SCLT1: variants seen among roughly 807,000 people sequenced by gnomAD.
SCLT1 encodes sodium channel and clathrin linker 1.
A neutral mutation model predicts 112.8 loss-of-function variants in SCLT1; 78 were observed. The ratio of observed to expected loss-of-function variants is 0.69; its 90% CI spans 0.58 to 0.83. SCLT1 has a LOEUF of 0.83. Among genes scored for constraint, SCLT1 ranks in the 40% least tolerant of loss-of-function variants. The pLI is 0.00. For synonymous variants in SCLT1, 257 were observed against 254.7 expected (o/e 1.01, Z -0.09); for missense variants, 747 against 770.4 (o/e 0.97, Z 0.36).
chr4:128,965,870 C>T (rs913880559), intron 10 of SCLT1, among the ~76,000 whole-genome samples: 8 of 140,534 alleles, frequency 5.7e-5, no homozygotes, highest in Admixed American at 7.7e-5. Context: ...CTCACCCTGT[C>T]GTCCAGGCTG....
chr4:129,015,593 A>G (rs1560967646), intron 5 of SCLT1, among the ~76,000 whole-genome samples: 2 of 152,132 alleles, frequency 1.3e-5, no homozygotes, highest in South Asian at 2.1e-4. Context: ...TCCACTACAT[A>G]TGCTCCTGCA....
intron 17 of SCLT1, among the ~76,000 whole-genome samples, chr4:128,942,378 T>C (rs1737771555): frequency 6.6e-6 from 1 of 152,124 alleles, no homozygotes; most frequent in African/African-American, 2.4e-5. Context: ...TGCCACTTTT[T>C]ACAAAAGTCT....
In SCLT1 at chr4:129,007,533, T is replaced by G. The variant is rs528531940; in HGVS notation, c.291-3657A>C. On this transcript the variant is annotated intron_variant, in intron 5 of 20. Coordinates refer to ENST00000281142, the MANE Select transcript of SCLT1 (RefSeq NM_144643.4). ...ATCTGTTTCACATTAAATTCTACTATGTCTGATATTACCAGCATGTTTTCA... is the reference window on the plus strand; with the variant it reads ...ATCTGTTTCACATTAAATTCTACTAGGTCTGATATTACCAGCATGTTTTCA... Among the ~76,000 whole-genome samples, 116 of 152,318 alleles carry G rather than the reference T, an allele frequency of 7.6e-4. 2 individuals are homozygous for G. The highest frequency in any genetic ancestry group is 2.7e-3 in the African/African-American group (112 of 41,586).
intron 18 of SCLT1, among the ~76,000 whole-genome samples, chr4:128,914,326 T>A (rs1014552767): frequency 1.3e-5 from 2 of 151,550 alleles, no homozygotes; most frequent in African/African-American, 4.9e-5. Flanking sequence ...AGATAGCCAC[T>A]ACACTCCAGC....
At chr4:128,930,733 T>G (rs1482636942) in intron 18 of SCLT1, among the ~76,000 whole-genome samples, 1 of 152,066 alleles carries the variant, frequency 6.6e-6, no homozygotes, top group African/African-American at 2.4e-5. Context: ...ATTTGGAAAA[T>G]GTAATATAAA....
At chr4:129,048,767 TCAAA>T (rs1193277722) in intron 2 of SCLT1, among the ~76,000 whole-genome samples, 24 of 152,020 alleles carry the variant, frequency 1.6e-4, no homozygotes, top group Non-Finnish European at 3.1e-4. Context: ...TACAATGAAC[TCAAA>T]CAAATTTACA....
chr4:128,946,151 A>T lies in SCLT1; in HGVS notation c.1295T>A (p.Ile432Asn). 1 of 1,600,046 alleles carries T rather than the reference A, an allele frequency of 6.2e-7. No individual in the cohort carries two copies. Among genetic ancestry groups the T allele is most frequent in the East Asian group, 2.2e-5 (1 of 44,702 alleles). ...KKAVEEELEK[I>N]YREGRGNESD... ...CTCATTTCCTCTGCCTTCACGGTAA[A>T]TCTGCAGAAAAGGCTTATTAGGTAT... Residue 432 changes from isoleucine to asparagine, a missense_variant and splice_region_variant, in exon 16 of 21, where the codon ATT (isoleucine) becomes AAT (asparagine). Coordinates refer to ENST00000281142, the MANE Select transcript of SCLT1 (RefSeq NM_144643.4).
chr4:128,920,386 G>A (rs1205680523), intron 18 of SCLT1, among the ~76,000 whole-genome samples: 1 of 152,178 alleles, frequency 6.6e-6, no homozygotes, highest in Non-Finnish European at 1.5e-5. Flanking sequence ...TGGCCTCCCA[G>A]GTTCAAATGA....
intron 5 of SCLT1, among the ~76,000 whole-genome samples, chr4:129,029,173 C>T (rs1746447091): frequency 1.3e-5 from 2 of 152,166 alleles, no homozygotes; most frequent in Admixed American, 6.5e-5. Flanking sequence ...CATTCCATTA[C>T]TGGGTACATA....
chr4:128,894,257 A>G (rs569285807), intron 18 of SCLT1, among the ~76,000 whole-genome samples: 10 of 151,970 alleles, frequency 6.6e-5, no homozygotes, highest in Admixed American at 1.3e-4. Flanking sequence ...TCAGTTGTAC[A>G]GTCAAGGTTA....
At chr4:128,893,596 G>A (rs1350458006) in intron 18 of SCLT1, among the ~76,000 whole-genome samples, 1 of 152,088 alleles carries the variant, frequency 6.6e-6, no homozygotes, top group Admixed American at 6.6e-5. Flanking sequence ...AGGCTGGAGT[G>A]CAGTGGTGCC....
chr4:128,995,807 C>T (rs1035812830), intron 8 of SCLT1, among the ~76,000 whole-genome samples: 3 of 152,072 alleles, frequency 2.0e-5, no homozygotes, highest in African/African-American at 7.2e-5. Context: ...TGCTATTTCT[C>T]TGGGCTGCCC....
intron 13 of SCLT1, among the ~76,000 whole-genome samples, chr4:128,954,380 G>A (rs1739045461): frequency 1.3e-5 from 2 of 149,326 alleles, no homozygotes; most frequent in Non-Finnish European, 3.0e-5. Flanking sequence ...GTGCAGGGTC[G>A]TGATCTCAGC....
chr4:128,977,604 C>T (rs992277402), intron 9 of SCLT1, among the ~76,000 whole-genome samples: 5 of 151,920 alleles, frequency 3.3e-5, no homozygotes, highest in African/African-American at 9.7e-5. Context: ...ATCTGAGCTA[C>T]GACCTAAAGG....
chr4:128,921,303 T>C (rs1474795479), intron 18 of SCLT1, among the ~76,000 whole-genome samples: 4 of 152,074 alleles, frequency 2.6e-5, no homozygotes, highest in Non-Finnish European at 4.4e-5. Flanking sequence ...CCAAAAAAAC[T>C]ATTTAAAAAT....
chr4:128,914,520 G>C (rs1735334235), intron 18 of SCLT1, among the ~76,000 whole-genome samples: 1 of 152,188 alleles, frequency 6.6e-6, no homozygotes, highest in African/African-American at 2.4e-5. Flanking sequence ...AAAAGCTGTT[G>C]CAGCAGTCCA....
At chr4:128,898,436 C>T (rs1284619833) in intron 18 of SCLT1, among the ~76,000 whole-genome samples, 6 of 151,968 alleles carry the variant, frequency 3.9e-5, no homozygotes, top group Non-Finnish European at 7.4e-5. Context: ...GGGTACATAA[C>T]AAAATGAAGG....
chr4:128,884,988 T>G (rs940963773), intron 20 of SCLT1, among the ~76,000 whole-genome samples: 1 of 152,160 alleles, frequency 6.6e-6, no homozygotes, highest in Non-Finnish European at 1.5e-5. Context: ...CTTGAAACTT[T>G]AAAATGTCTA....
chr4:129,007,298 T>G (rs1323731245), intron 5 of SCLT1, among the ~76,000 whole-genome samples: 1 of 149,334 alleles, frequency 6.7e-6, no homozygotes, highest in Non-Finnish European at 1.5e-5. Flanking sequence ...TAACTTACTG[T>G]TTTTTTTTCT....
Sources: allele counts gnomAD v4.1 joint callset (sites outside exome capture counted in the v4.1 genomes callset), GRCh38; gene constraint gnomAD v4.1.1; transcripts MANE v1.5; gene names NCBI Gene and HGNC (gene_info 2026-07-23, HGNC 2026-07-21).